The following FILIP1L variants were observed in gnomAD, a reference collection of about 807,000 sequenced individuals.
FILIP1L encodes filamin A-interacting protein 1-like.
A neutral mutation model predicts 96.6 loss-of-function variants in FILIP1L; 55 were observed. That is an observed-to-expected ratio of 0.57 (90% CI 0.46 to 0.71). The LOEUF (loss-of-function observed/expected upper bound fraction) is 0.71. Ranked by LOEUF, FILIP1L falls within the 30% of genes least tolerant of loss-of-function variation. The pLI is 0.00. For synonymous variants in FILIP1L, 467 were observed against 473.9 expected, an observed-to-expected ratio of 0.99 and a Z score of 0.19; for missense variants, 1,304 against 1,321.2, an observed-to-expected ratio of 0.99 and a Z score of 0.20.
intron 1 of FILIP1L, among the ~76,000 whole-genome samples, chr3:100,054,492 G>T (rs776766607): frequency 3.0e-5 from 1 of 33,684 alleles, no homozygotes; most frequent in African/African-American, 1.3e-4. Flanking sequence ...GTTATGTTTT[G>T]TTATGTTATG....
intron 4 of FILIP1L, among the ~76,000 whole-genome samples, chr3:99,922,137 T>C (rs1707144762): frequency 6.6e-6 from 1 of 152,238 alleles, no homozygotes; most frequent in Non-Finnish European, 1.5e-5. Flanking sequence ...CTTTGTATTA[T>C]GCCAGGCAAC....
chr3:100,097,468 A>T (rs2066229850), intron 1 of FILIP1L, among the ~76,000 whole-genome samples: 1 of 152,210 alleles, frequency 6.6e-6, no homozygotes, highest in African/African-American at 2.4e-5. Context: ...TCTTCTGTGG[A>T]TATGGAGGGA....
chr3:100,027,648 T>G (rs1576652714), intron 1 of FILIP1L, among the ~76,000 whole-genome samples: 1 of 152,182 alleles, frequency 6.6e-6, no homozygotes, highest in South Asian at 2.1e-4. Context: ...TCCCAAGGTA[T>G]TGCTGTTTAG....
intron 4 of FILIP1L, among the ~76,000 whole-genome samples, chr3:99,884,800 A>G (rs1409403071): frequency 6.6e-6 from 1 of 152,232 alleles, no homozygotes; most frequent in Non-Finnish European, 1.5e-5. Context: ...TGTATACAGG[A>G]TACCATGGAA....
chr3:100,103,629 A>T (rs887904690), intron 1 of FILIP1L, among the ~76,000 whole-genome samples: 1 of 152,150 alleles, frequency 6.6e-6, no homozygotes, highest in African/African-American at 2.4e-5. Flanking sequence ...CAAAGTTGAG[A>T]TGGAGGAGAG....
chr3:100,062,324 A>C (rs1576007166), intron 1 of FILIP1L, among the ~76,000 whole-genome samples: 1 of 151,300 alleles, frequency 6.6e-6, no homozygotes, highest in Non-Finnish European at 1.5e-5. Context: ...TGTTAGCCAG[A>C]ATGGTCTCGA....
chr3:99,977,256 C>G (rs1208899180), intron 1 of FILIP1L, among the ~76,000 whole-genome samples: 1 of 151,934 alleles, frequency 6.6e-6, no homozygotes, highest in Non-Finnish European at 1.5e-5. Context: ...GATGCCTCAT[C>G]CCAGGAGCAG....
At chr3:99,864,515 C>T (rs148194921) in intron 4 of FILIP1L, among the ~76,000 whole-genome samples, 68 of 152,234 alleles carry the variant, frequency 4.5e-4, no homozygotes, top group African/African-American at 1.5e-3. Context: ...TCACTGGCTG[C>T]GAAGTCTGTG....
intron 1 of FILIP1L, among the ~76,000 whole-genome samples, chr3:99,992,516 G>T (rs946175804): frequency 5.3e-5 from 8 of 151,826 alleles, no homozygotes; most frequent in Middle Eastern, 3.4e-3. Flanking sequence ...GGGTTATTTG[G>T]TTTTTTTCTT....
intron 1 of FILIP1L, among the ~76,000 whole-genome samples, chr3:100,067,022 AGTGTG>A (rs2065677735): frequency 6.6e-6 from 1 of 152,184 alleles, no homozygotes; most frequent in Non-Finnish European, 1.5e-5. Context: ...TCCTCAGTCA[AGTGTG>A]CTTTGTATTC....
chr3:99,876,081 C>CT, intron 4 of FILIP1L: 8 of 986,488 alleles, frequency 8.1e-6, no homozygotes, highest in Non-Finnish European at 9.6e-6. Flanking sequence ...CCTGAACTGC[C>CT]TGCGCCGGGG....
intron 3 of FILIP1L, among the ~76,000 whole-genome samples, chr3:99,925,648 A>T (rs1300726690): frequency 1.3e-5 from 2 of 152,220 alleles, no homozygotes; most frequent in Non-Finnish European, 2.9e-5. Flanking sequence ...TTAGGGGCTT[A>T]TACGTGGATG....
chr3:100,046,236 G>A (rs962924979), intron 1 of FILIP1L, among the ~76,000 whole-genome samples: 2 of 152,106 alleles, frequency 1.3e-5, no homozygotes, highest in South Asian at 2.1e-4. Context: ...ATATTCCAGC[G>A]TTTGGATCCA....
chr3:100,064,300 T>G (rs1422683517), intron 1 of FILIP1L, among the ~76,000 whole-genome samples: 1 of 152,172 alleles, frequency 6.6e-6, no homozygotes, highest in South Asian at 2.1e-4. Flanking sequence ...AGACAAAACT[T>G]CTGACGATTT....
At chr3:99,880,898 A>G (rs1705703994) in intron 4 of FILIP1L, among the ~76,000 whole-genome samples, 3 of 151,928 alleles carry the variant, frequency 2.0e-5, no homozygotes, top group African/African-American at 4.8e-5. Flanking sequence ...ATGTGTATGT[A>G]TATTATGTTT....
intron 1 of FILIP1L, among the ~76,000 whole-genome samples, chr3:100,012,761 CTTTT>C (rs35737304): frequency 2.1e-5 from 2 of 93,578 alleles, no homozygotes; most frequent in African/African-American, 3.6e-5. Context: ...GAAGCATATT[CTTTT>C]TTTTTTTTTT....
At chr3:99,894,937 A>G (rs981446425) in intron 4 of FILIP1L, among the ~76,000 whole-genome samples, 1 of 152,202 alleles carries the variant, frequency 6.6e-6, no homozygotes, top group Non-Finnish European at 1.5e-5. Flanking sequence ...TATGTGTTAC[A>G]CGAAACATGA....
At chr3:99,961,413 T>C (rs895615521) in intron 1 of FILIP1L, among the ~76,000 whole-genome samples, 1 of 152,176 alleles carries the variant, frequency 6.6e-6, no homozygotes, top group Non-Finnish European at 1.5e-5. Context: ...CTACAATGAC[T>C]CTTATGCTAT....
intron 4 of FILIP1L, among the ~76,000 whole-genome samples, chr3:99,877,490 G>A (rs1265909745): frequency 6.6e-6 from 1 of 152,070 alleles, no homozygotes; most frequent in Non-Finnish European, 1.5e-5. Flanking sequence ...CATTATTCTA[G>A]ATCACTCTAA....
Sources: allele counts gnomAD v4.1 joint callset (sites outside exome capture counted in the v4.1 genomes callset), GRCh38; gene constraint gnomAD v4.1.1; transcripts MANE v1.5; gene names NCBI Gene and HGNC (gene_info 2026-07-23, HGNC 2026-07-21).